Variants in CERS3 observed in about 807,000 individuals in gnomAD.
CERS3 encodes the protein LAG1 homolog, ceramide synthase 3.
In CERS3, 33 loss-of-function variants were observed where a neutral mutation model predicts 50.3. The observed-to-expected ratio is 0.66, with a 90% CI of 0.50 to 0.88. The LOEUF (loss-of-function observed/expected upper bound fraction) is 0.88. CERS3 is among the 40% of genes least tolerant of loss of function. The pLI, the probability that CERS3 is intolerant of heterozygous loss-of-function variation, is 0.00. For missense variants in CERS3, 470 were observed against 460.3 expected, an observed-to-expected ratio of 1.02 and a Z score of -0.19; for synonymous variants, 176 against 155.2, an observed-to-expected ratio of 1.13 and a Z score of -0.99.
At chr15:100,481,541 G>A (rs1029645651) in intron 5 of CERS3, among the ~76,000 whole-genome samples, 2 of 152,192 alleles carry the variant, frequency 1.3e-5, no homozygotes, top group South Asian at 2.1e-4. Flanking sequence ...GTGCTCCCCC[G>A]GTGTTTATTT....
chr15:100,493,099 A>G (rs1244036963), intron 3 of CERS3, among the ~76,000 whole-genome samples: 2 of 152,212 alleles, frequency 1.3e-5, no homozygotes, highest in African/African-American at 2.4e-5. Flanking sequence ...AGTGTTAAAA[A>G]CAAAAAATAT....
intron 11 of CERS3, among the ~76,000 whole-genome samples, chr15:100,417,674 T>G (rs1183342250): frequency 6.6e-6 from 1 of 152,008 alleles, no homozygotes; most frequent in East Asian, 1.9e-4. Flanking sequence ...CAGACTTAAA[T>G]GTCCCTGTCT....
intron 10 of CERS3, among the ~76,000 whole-genome samples, chr15:100,467,809 GTC>G (rs2034809523): frequency 1.4e-3 from 84 of 58,366 alleles, no homozygotes; most frequent in Middle Eastern, 0.011. Context: ...ATATATATAC[GTC>G]TATATATATG....
intron 2 of CERS3, among the ~76,000 whole-genome samples, chr15:100,515,386 A>C (rs1419446180): frequency 1.3e-5 from 2 of 152,186 alleles, no homozygotes; most frequent in Admixed American, 6.5e-5. Flanking sequence ...GGTAATAAAG[A>C]CACAATAGCA....
At position 100,501,651 on chromosome 15, in the gene CERS3, G is replaced by A. The variant is rs560624862; in HGVS notation, c.173+26C>T. 1.3e-5 allele frequency: 21 copies of A among 1,575,886 alleles called. No homozygotes were observed. The South Asian group carries it at 2.0e-4, about 15-fold the overall frequency. ...GTGTTAGAGCAAAGAGGGGGAATGG[G>A]AAGGAAAGACACAAGTACTACTTAC... On this transcript the variant is annotated intron_variant, in intron 3 of 11. Coordinates refer to ENST00000679737, the MANE Select transcript of CERS3 (RefSeq NM_001378789.1).
intron 9 of CERS3, among the ~76,000 whole-genome samples, chr15:100,470,133 T>C (rs1383341341): frequency 6.6e-6 from 1 of 152,176 alleles, no homozygotes; most frequent in African/African-American, 2.4e-5. Flanking sequence ...AAGCGCTCTC[T>C]AGTGCATTAT....
chr15:100,428,181 A>C (rs1209382639), intron 11 of CERS3, among the ~76,000 whole-genome samples: 2 of 152,234 alleles, frequency 1.3e-5, no homozygotes, highest in Non-Finnish European at 2.9e-5. Context: ...CTCAAAAGGA[A>C]ATGGCTGGCA....
upstream of CERS3, chr15:100,529,082 A>G (rs2036875185): frequency 6.6e-6 from 1 of 152,324 alleles, no homozygotes; most frequent in African/African-American, 2.4e-5. Flanking sequence ...CCACCTTGAG[A>G]AAAGAAAGCT....
chr15:100,509,067 C>A (rs2036264944), intron 2 of CERS3, among the ~76,000 whole-genome samples: 2 of 152,166 alleles, frequency 1.3e-5, no homozygotes, highest in Non-Finnish European at 2.9e-5. Context: ...CTATGGAATT[C>A]TTAAGCCCTA....
chr15:100,463,249 A>T (rs1008396194), intron 10 of CERS3, among the ~76,000 whole-genome samples: 1 of 152,032 alleles, frequency 6.6e-6, no homozygotes, highest in African/African-American at 2.4e-5. Flanking sequence ...ATCCTGGCCA[A>T]CATGGTGAAA....
intron 2 of CERS3, among the ~76,000 whole-genome samples, chr15:100,513,133 T>A (rs11631156): frequency 0.32 from 49,212 of 152,046 alleles, 8,125 homozygotes; most frequent in East Asian, 0.37. Flanking sequence ...TCAAGATGTG[T>A]TTCTCTTGGC....
intron 11 of CERS3, among the ~76,000 whole-genome samples, chr15:100,445,482 G>A (rs2033895453): frequency 6.6e-6 from 1 of 152,092 alleles, no homozygotes; most frequent in Non-Finnish European, 1.5e-5. Context: ...CCAATTCTTA[G>A]TCCTTTAAAA....
At chr15:100,496,019 A>G (rs2035802177) in intron 3 of CERS3, among the ~76,000 whole-genome samples, 1 of 152,192 alleles carries the variant, frequency 6.6e-6, no homozygotes, top group African/African-American at 2.4e-5. Flanking sequence ...ATGAAATTAT[A>G]CAATATGTGG....
intron 10 of CERS3, among the ~76,000 whole-genome samples, chr15:100,467,850 TATAGATAG>T (rs1555528323): frequency 1.1e-5 from 1 of 93,136 alleles, no homozygotes; most frequent in East Asian, 2.8e-4. Flanking sequence ...TATATATATA[TATAGATAG>T]ATAGATAGAT....
intron 4 of CERS3, among the ~76,000 whole-genome samples, chr15:100,489,035 A>C (rs2035572568): frequency 2.0e-5 from 3 of 152,234 alleles, no homozygotes. Flanking sequence ...TTGGGCTCCC[A>C]AAGTGCTGGG....
At chr15:100,438,757 C>T (rs956355156) in intron 11 of CERS3, among the ~76,000 whole-genome samples, 1 of 152,266 alleles carries the variant, frequency 6.6e-6, no homozygotes, top group African/African-American at 2.4e-5. Flanking sequence ...GGGCTGGTTT[C>T]TCCATGCTGG....
intron 2 of CERS3, among the ~76,000 whole-genome samples, chr15:100,520,268 G>A (rs1361743879): frequency 6.6e-6 from 1 of 152,212 alleles, no homozygotes; most frequent in Non-Finnish European, 1.5e-5. Flanking sequence ...AAGTGAGGCT[G>A]GGAGGAAAGA....
chr15:100,497,028 A>T (rs148153977), intron 3 of CERS3, among the ~76,000 whole-genome samples: 56 of 152,298 alleles, frequency 3.7e-4, no homozygotes, highest in African/African-American at 1.3e-3. Flanking sequence ...ATCATAAAAC[A>T]TAGTGCTAAA....
chr15:100,437,030 G>A (rs2248206), intron 11 of CERS3, among the ~76,000 whole-genome samples: 40,045 of 148,968 alleles, frequency 0.27, 5,793 homozygotes, highest in East Asian at 0.42. Flanking sequence ...TGCAAGCTCC[G>A]CCTCCTGGGT....
Sources: allele counts gnomAD v4.1 joint callset (sites outside exome capture counted in the v4.1 genomes callset), GRCh38; gene constraint gnomAD v4.1.1; transcripts MANE v1.5; gene names NCBI Gene and HGNC (gene_info 2026-07-23, HGNC 2026-07-21).